Variants in SLC16A1 observed in about 807,000 individuals in gnomAD.
SLC16A1 encodes the protein solute carrier family 16 member 1, also known as monocarboxylate transporter 1.
In SLC16A1, 11 loss-of-function variants were observed where a neutral mutation model predicts 32.2. That is an observed-to-expected ratio of 0.34 (90% CI 0.21 to 0.56). The LOEUF is 0.56. SLC16A1 is among the 20% of genes least tolerant of loss of function. SLC16A1 has a pLI of 0.87. For missense variants in SLC16A1, 435 were observed against 615.0 expected (o/e 0.71, Z 3.10); for synonymous variants, 231 against 226.8 (o/e 1.02, Z -0.17).
intron 2 of SLC16A1, among the ~76,000 whole-genome samples, chr1:112,922,582 T>C (rs1260316483): frequency 4.6e-5 from 7 of 152,104 alleles, no homozygotes; most frequent in Non-Finnish European, 1.0e-4. Flanking sequence ...AAGACCAGCC[T>C]GGCCAACATG....
intron 2 of SLC16A1, chr1:112,923,689 G>A (rs973957395): frequency 2.5e-5 from 39 of 1,531,064 alleles, no homozygotes; most frequent in Non-Finnish European, 3.5e-5. Context: ...TACCTGCTCA[G>A]GCCAGACCAC....
rs1648341347 is a variant in SLC16A1 at position 112,912,095 on chromosome 1, C to A, written c.*1796G>T. The A allele has an allele frequency of 6.6e-6, 1 of 152,250 alleles. No homozygotes were observed. The highest frequency in any genetic ancestry group is 2.4e-5 in the African/African-American group (1 of 41,474). The allele number at this position is 152,250 out of a possible 1,614,324, so 9.4% of individuals were successfully genotyped here. Reference sequence around the variant, plus strand: ...GCCCAGGCATACAAAGGGAGTTTTTCATTGTTTCCTTAAGGTTAACTGCTC... The same window carrying A: ...GCCCAGGCATACAAAGGGAGTTTTTAATTGTTTCCTTAAGGTTAACTGCTC... On this transcript the variant is annotated 3_prime_UTR_variant, in exon 5 of 5. Coordinates refer to ENST00000369626, the MANE Select transcript of SLC16A1 (RefSeq NM_003051.4).
chr1:112,955,754 G>A (rs1373628524), intron 1 of SLC16A1: 1 of 152,296 alleles, frequency 6.6e-6, no homozygotes, highest in Non-Finnish European at 1.5e-5. Context: ...CCGTCACCGG[G>A]CACCACGACC....
intron 2 of SLC16A1, among the ~76,000 whole-genome samples, chr1:112,927,938 T>C (rs147128929): frequency 6.6e-6 from 1 of 152,172 alleles, no homozygotes; most frequent in African/African-American, 2.4e-5. Context: ...CAAGCCATCA[T>C]AGTCAAAACC....
In SLC16A1 at chr1:112,932,715, A is replaced by G. The variant is rs374904545; in HGVS notation, c.-44-3363T>C. Among the ~76,000 whole-genome samples, 67 of 142,076 alleles carry G rather than the reference A, an allele frequency of 4.7e-4. No homozygotes were observed. In the East Asian group the frequency reaches 0.012, roughly 26 times the overall value. The allele number at this position is 142,076 out of a possible 152,430, so 93.2% of individuals were successfully genotyped here. ...AGGCTGAGGCAGGAGAATCGCTTGA[A>G]CCCAGGAGGCAGAGGTTGCAGTGAG... On this transcript the variant is annotated intron_variant, in intron 1 of 4. Transcript: ENST00000369626.
chr1:112,940,751 T>A (rs1257809612), intron 1 of SLC16A1, among the ~76,000 whole-genome samples: 1 of 152,124 alleles, frequency 6.6e-6, no homozygotes, highest in Non-Finnish European at 1.5e-5. Flanking sequence ...AGTATGCACA[T>A]ACTTCTTATT....
chr1:112,945,247 A>C (rs1649657716), intron 1 of SLC16A1, among the ~76,000 whole-genome samples: 1 of 151,660 alleles, frequency 6.6e-6, no homozygotes, highest in Admixed American at 6.6e-5. Flanking sequence ...CACCCGCCTC[A>C]GCATCACAAA....
intron 2 of SLC16A1, among the ~76,000 whole-genome samples, chr1:112,928,465 C>T (rs1172469580): frequency 6.6e-6 from 1 of 152,184 alleles, no homozygotes; most frequent in Non-Finnish European, 1.5e-5. Context: ...AGAATCATTA[C>T]ATTGGCTAGA....
chr1:112,942,791 G>A (rs900485545), intron 1 of SLC16A1, among the ~76,000 whole-genome samples: 3 of 152,142 alleles, frequency 2.0e-5, no homozygotes, highest in Non-Finnish European at 4.4e-5. Context: ...ACCCTATGAT[G>A]CTACTATTGT....
chr1:112,914,061 A>G lies in SLC16A1; in HGVS notation c.1333T>C (p.Tyr445His). 6.2e-7 allele frequency: 1 copy of G among 1,614,144 alleles called. No individual in the cohort carries two copies. Among genetic ancestry groups the G allele is most frequent in the Non-Finnish European group, 8.5e-7 (1 of 1,180,022 alleles). Residue 445 changes from tyrosine to histidine, a missense_variant, in exon 5 of 5, where the codon TAT (tyrosine) becomes CAT (histidine). Tyr to His is a moderately conservative substitution (Grantham distance 83). Coordinates refer to ENST00000369626, the MANE Select transcript of SLC16A1 (RefSeq NM_003051.4). The part of the protein sequence containing the change: ...IYLFIGMGIN[Y>H]RLLAKEQKAN... ...TTCTGTTCTTTTGCCAAAAGTCGATAATTGATGCCCATGCCAATGAAGAGA... is the reference window on the plus strand; with the variant it reads ...TTCTGTTCTTTTGCCAAAAGTCGATGATTGATGCCCATGCCAATGAAGAGA...
chr1:112,928,659 A>T (rs1354763080), intron 2 of SLC16A1, among the ~76,000 whole-genome samples: 1 of 152,218 alleles, frequency 6.6e-6, no homozygotes, highest in Non-Finnish European at 1.5e-5. Flanking sequence ...CTAACATCAT[A>T]TAAAGATTTT....
intron 1 of SLC16A1, among the ~76,000 whole-genome samples, chr1:112,932,361 C>T (rs561325423): frequency 1.3e-5 from 2 of 152,162 alleles, no homozygotes; most frequent in Admixed American, 6.5e-5. Flanking sequence ...ACAGCGAGAC[C>T]CTACCTCTAC....
At chr1:112,939,136 C>A (rs975006679) in intron 1 of SLC16A1, among the ~76,000 whole-genome samples, 1 of 152,026 alleles carries the variant, frequency 6.6e-6, no homozygotes, top group Admixed American at 6.6e-5. Flanking sequence ...CGTGATCCAC[C>A]CGCCTCAGCC....
intron 1 of SLC16A1, among the ~76,000 whole-genome samples, chr1:112,952,397 G>C (rs1649928196): frequency 6.6e-6 from 1 of 152,182 alleles, no homozygotes; most frequent in Admixed American, 6.5e-5. Flanking sequence ...GGAACCTATA[G>C]ATTAAAAAGT....
At position 112,917,635 on chromosome 1, in the gene SLC16A1, T is replaced by C. The variant is rs766335518; in HGVS notation, c.771A>G (p.Leu257=). The stretch of plus-strand genomic sequence containing the variant: ...ATAGCAAAAAGCCTCTGTGGGTGAA[T>C]AGGGTTAAGTCCAGGAACTGATTAA... ...QTINQFLDLT[L]FTHRGFLLYL... Residue 257 remains leucine, a synonymous_variant, in exon 4 of 5, where the codon CTA becomes CTG. Coordinates refer to ENST00000369626, the MANE Select transcript of SLC16A1 (RefSeq NM_003051.4). The surrounding 1 kb of genome is among the most constrained non-coding windows in gnomAD (Gnocchi z 4.1). The C allele has an allele frequency of 1.2e-5, 19 of 1,614,194 alleles. No homozygotes were observed. Among genetic ancestry groups the C allele is most frequent in the South Asian group, 3.3e-5 (3 of 91,084 alleles).
At chr1:112,941,230 A>C (rs1557853915) in intron 1 of SLC16A1, among the ~76,000 whole-genome samples, 1 of 152,164 alleles carries the variant, frequency 6.6e-6, no homozygotes, top group African/African-American at 2.4e-5. Flanking sequence ...AGTATAAAAA[A>C]AGAGTTCTTT....
At chr1:112,941,912 AAT>A (rs1649524609) in intron 1 of SLC16A1, among the ~76,000 whole-genome samples, 3 of 152,260 alleles carry the variant, frequency 2.0e-5, no homozygotes, top group Admixed American at 2.0e-4. Flanking sequence ...CAGCATAAAC[AAT>A]ATCCCTTAAT....
chr1:112,914,342 T>C (rs560991678), intron 4 of SLC16A1, among the ~76,000 whole-genome samples, 177 bp from the exon 5 acceptor site: 3 of 152,356 alleles, frequency 2.0e-5, no homozygotes, highest in African/African-American at 4.8e-5. Context: ...TTATAATGCA[T>C]CATGGATTTT....
At chr1:112,943,278 G>A (rs536672491) in intron 1 of SLC16A1, among the ~76,000 whole-genome samples, 46 of 152,288 alleles carry the variant, frequency 3.0e-4, no homozygotes, top group African/African-American at 1.1e-3. Flanking sequence ...CAGATTAGCC[G>A]GGCATGGTGG....
Sources: gnomAD v4.1 joint callset for allele counts (sites outside exome capture counted in the v4.1 genomes callset) on GRCh38, gnomAD v4.1.1 for gene constraint, Gnocchi (gnomAD v3.1) non-coding constraint, MANE v1.5 for transcripts, NCBI Gene and HGNC (gene_info 2026-07-23, HGNC 2026-07-21) for gene names.